Variants in GRIA1 observed in about 807,000 individuals in gnomAD.
GRIA1 encodes glutamate receptor 1.
GRIA1 carries 31 observed loss-of-function variants against 99.2 expected under a neutral mutation model. The ratio of observed to expected loss-of-function variants is 0.31; its 90% CI spans 0.23 to 0.42. The LOEUF is 0.42. Among genes scored for constraint, GRIA1 ranks in the 10% least tolerant of loss-of-function variants. GRIA1 has a pLI of 1.00. For synonymous variants in GRIA1, 438 were observed against 432.4 expected (o/e 1.01, Z -0.16); for missense variants, 782 against 1,157.5 (o/e 0.68, Z 4.71).
At chr5:153,667,799 C>T (rs1360113814) in intron 5 of GRIA1, among the ~76,000 whole-genome samples, 1 of 152,158 alleles carries the variant, frequency 6.6e-6, no homozygotes, top group African/African-American at 2.4e-5. Context: ...AAGCATTCTC[C>T]AAATCTTCAC....
At chr5:153,764,282 C>A in intron 11 of GRIA1, 152 bp from the exon 12 acceptor site, 1 of 637,630 alleles carries the variant, frequency 1.6e-6, no homozygotes, top group South Asian at 1.9e-5. Context: ...TCTCTAACAA[C>A]ATTTGAATTC....
intron 2 of GRIA1, among the ~76,000 whole-genome samples, chr5:153,624,839 A>G (rs1767434744): frequency 6.6e-6 from 1 of 152,228 alleles, no homozygotes; most frequent in African/African-American, 2.4e-5. Context: ...AGATTCCAAC[A>G]TGGAGAAAGT....
At chr5:153,526,593 A>G (rs1320678509) in intron 2 of GRIA1, among the ~76,000 whole-genome samples, 2 of 152,244 alleles carry the variant, frequency 1.3e-5, no homozygotes, top group African/African-American at 4.8e-5. Context: ...AAGTCTCCTC[A>G]GCAGGAATGT....
At chr5:153,735,443 G>A (rs140613541) in intron 11 of GRIA1, among the ~76,000 whole-genome samples, 1,599 of 152,224 alleles carry the variant, frequency 0.011, 109 homozygotes, top group Admixed American at 0.094. Context: ...TAATTAGAAC[G>A]GAACAGAATA....
At position 153,601,741 on chromosome 5, in the gene GRIA1, G is replaced by T. The variant is rs1360887889; in HGVS notation, c.221-45187G>T. On this transcript the variant is annotated intron_variant, in intron 2 of 15. Transcript: ENST00000285900. ...TTGTTCACAGGATGATTTCAGGCAGGTTCCTTAGATGACTGAAGTTTTTGA... is the reference window on the plus strand; with the variant it reads ...TTGTTCACAGGATGATTTCAGGCAGTTTCCTTAGATGACTGAAGTTTTTGA... Among the ~76,000 whole-genome samples the T allele has an allele frequency of 2.0e-5, 3 of 152,226 alleles. No homozygotes were observed. The East Asian group carries it at 5.8e-4, about 29-fold the overall frequency.
At chr5:153,512,740 A>C (rs1011600179) in intron 2 of GRIA1, among the ~76,000 whole-genome samples, 10 of 152,216 alleles carry the variant, frequency 6.6e-5, no homozygotes, top group African/African-American at 2.4e-4. Flanking sequence ...TCTCTCCAGC[A>C]TCCGTTGAAT....
At chr5:153,685,895 G>A (rs779970373) in intron 7 of GRIA1, among the ~76,000 whole-genome samples, 5 of 152,190 alleles carry the variant, frequency 3.3e-5, no homozygotes, top group Non-Finnish European at 5.9e-5. Flanking sequence ...TATCTGAGAA[G>A]GGCAGTGGTC....
At chr5:153,797,668 A>G (rs1472555832) in intron 14 of GRIA1, among the ~76,000 whole-genome samples, 1 of 152,184 alleles carries the variant, frequency 6.6e-6, no homozygotes, top group Admixed American at 6.6e-5. Flanking sequence ...TGCAAGCCAC[A>G]TCATCTCCTC....
chr5:153,725,421 C>T (rs1230602194), intron 11 of GRIA1, among the ~76,000 whole-genome samples: 55 of 145,122 alleles, frequency 3.8e-4, no homozygotes, highest in African/African-American at 1.4e-3. Flanking sequence ...TGTAAATGGA[C>T]TAAATGCTCC....
chr5:153,622,685 A>C (rs577411687), intron 2 of GRIA1, among the ~76,000 whole-genome samples: 19 of 152,204 alleles, frequency 1.2e-4, no homozygotes, highest in Admixed American at 2.6e-4. Context: ...TTTTTATTGA[A>C]TATCATATCA....
chr5:153,490,516 G>C (rs1267684557), upstream of GRIA1: 1 of 312,684 alleles, frequency 3.2e-6, no homozygotes, highest in Non-Finnish European at 6.1e-6. Flanking sequence ...AGCTCGGTGG[G>C]TATTAGCATA....
At chr5:153,708,972 A>G (rs755517535) in intron 11 of GRIA1, among the ~76,000 whole-genome samples, 4 of 152,224 alleles carry the variant, frequency 2.6e-5, no homozygotes, top group Non-Finnish European at 5.9e-5. Context: ...GGAGCCTGTA[A>G]AATCTCCCTT....
chr5:153,544,458 C>A (rs1317909098), intron 2 of GRIA1, among the ~76,000 whole-genome samples: 1 of 152,124 alleles, frequency 6.6e-6, no homozygotes, highest in Admixed American at 6.6e-5. Flanking sequence ...GGAGGTTCTC[C>A]CCACATCAAA....
At chr5:153,490,552 G>C (rs1324157210), upstream of GRIA1, 2 of 396,454 alleles carry the variant, frequency 5.0e-6, no homozygotes, top group Non-Finnish European at 9.4e-6. Flanking sequence ...GTGAGTGTGA[G>C]GGGGAGAGCG....
At chr5:153,790,936 T>A (rs1197079429) in intron 13 of GRIA1, among the ~76,000 whole-genome samples, 4 of 152,204 alleles carry the variant, frequency 2.6e-5, no homozygotes, top group Non-Finnish European at 5.9e-5. Context: ...AAATATTTTT[T>A]AATCACATTC....
chr5:153,770,511 T>G (rs1219944453), intron 13 of GRIA1, 96 bp downstream of exon 13: 1 of 1,178,906 alleles, frequency 8.5e-7, no homozygotes, highest in Non-Finnish European at 1.2e-6. Context: ...AATGCCACAA[T>G]GCAAGCTGTT....
intron 10 of GRIA1, among the ~76,000 whole-genome samples, chr5:153,701,216 A>C (rs753164582): frequency 6.6e-6 from 1 of 152,196 alleles, no homozygotes; most frequent in Non-Finnish European, 1.5e-5. Context: ...GTGGTGAGTC[A>C]CTGGCACAGC....
intron 13 of GRIA1, among the ~76,000 whole-genome samples, chr5:153,786,055 C>G (rs1026409279): frequency 1.3e-5 from 2 of 152,206 alleles, no homozygotes; most frequent in Non-Finnish European, 2.9e-5. Context: ...TCAACCTTGT[C>G]TCTTCCTCTC....
At chr5:153,733,505 A>G (rs1453421304) in intron 11 of GRIA1, among the ~76,000 whole-genome samples, 1 of 152,174 alleles carries the variant, frequency 6.6e-6, no homozygotes, top group Non-Finnish European at 1.5e-5. Context: ...GTAAGTCTTT[A>G]TCTTTCAATA....
Sources: gnomAD v4.1 joint callset for allele counts (sites outside exome capture counted in the v4.1 genomes callset) on GRCh38, gnomAD v4.1.1 for gene constraint, MANE v1.5 for transcripts, NCBI Gene and HGNC (gene_info 2026-07-23, HGNC 2026-07-21) for gene names.